The following PHACTR3 variants were observed in gnomAD, a reference collection of about 807,000 sequenced individuals.
PHACTR3 encodes protein phosphatase 1, regulatory subunit 123.
PHACTR3 carries 16 observed loss-of-function variants against 66.8 expected under a neutral mutation model. The ratio of observed to expected loss-of-function variants is 0.24; its 90% CI spans 0.16 to 0.36. The LOEUF (loss-of-function observed/expected upper bound fraction) is 0.36. Among genes scored for constraint, PHACTR3 ranks in the 10% least tolerant of loss-of-function variants. The pLI is 1.00. For synonymous variants in PHACTR3, 323 were observed against 292.1 expected, an observed-to-expected ratio of 1.11 and a Z score of -1.08; for missense variants, 647 against 719.9, an observed-to-expected ratio of 0.90 and a Z score of 1.16.
At chr20:59,710,397 G>A (rs1483038352) in intron 1 of PHACTR3, among the ~76,000 whole-genome samples, 2 of 152,174 alleles carry the variant, frequency 1.3e-5, no homozygotes, top group Non-Finnish European at 2.9e-5. Flanking sequence ...CCTGGTTTTT[G>A]AAGCTTGTTT....
At chr20:59,686,721 GGTT>G (rs555930433) in intron 1 of PHACTR3, among the ~76,000 whole-genome samples, 6,423 of 144,720 alleles carry the variant, frequency 0.044, 287 homozygotes, top group African/African-American at 0.099. Flanking sequence ...TGATGGTGGT[GGTT>G]ATGATGATGG....
intron 1 of PHACTR3, among the ~76,000 whole-genome samples, chr20:59,633,449 A>G (rs1216787864): frequency 6.6e-6 from 1 of 152,150 alleles, no homozygotes; most frequent in Non-Finnish European, 1.5e-5. Flanking sequence ...GGAGTTGAAC[A>G]TTGAGAACAC....
intron 4 of PHACTR3, among the ~76,000 whole-genome samples, chr20:59,755,675 A>G (rs576829067): frequency 1.3e-5 from 2 of 152,264 alleles, no homozygotes; most frequent in East Asian, 3.9e-4. Context: ...ACTTCTAGGC[A>G]GGAAAGTGCT....
Position 59,714,004 on chromosome 20 carries a change from G to A in PHACTR3, c.119-29103G>A, listed in dbSNP as rs182839099. Among the ~76,000 whole-genome samples the A allele has an allele frequency of 1.1e-3, 160 of 152,236 alleles. 1 individual carries two copies. Among genetic ancestry groups the A allele is most frequent in the African/African-American group, 3.5e-3 (145 of 41,534 alleles). ...GTTTAATTGGTATTTCCTTGAAAAC[G>A]AATGAGGTTGAGCTCCTTTTTATTT... On this transcript the variant is annotated intron_variant, in intron 1 of 12. Transcript: ENST00000371015.
intron 6 of PHACTR3, among the ~76,000 whole-genome samples, chr20:59,773,768 G>A (rs1406095631): frequency 6.6e-6 from 1 of 152,222 alleles, no homozygotes. Flanking sequence ...TTAGAGAAAA[G>A]TGGCCGTTCC....
intron 1 of PHACTR3, among the ~76,000 whole-genome samples, chr20:59,662,616 GGAA>G (rs2035849980): frequency 6.6e-6 from 1 of 152,164 alleles, no homozygotes; most frequent in Non-Finnish European, 1.5e-5. Context: ...AAAACGAAAG[GGAA>G]GAAGTTGGAG....
At chr20:59,702,770 C>T (rs1463815934) in intron 1 of PHACTR3, among the ~76,000 whole-genome samples, 2 of 152,214 alleles carry the variant, frequency 1.3e-5, no homozygotes, top group Non-Finnish European at 2.9e-5. Context: ...TTTCCATCTA[C>T]ACATATTGTA....
rs189699385 is a variant in PHACTR3 at position 59,682,432 on chromosome 20, T to C, written c.119-60675T>C. Among the ~76,000 whole-genome samples the C allele has an allele frequency of 3.9e-5, 6 of 152,340 alleles. No individual in the cohort carries two copies. In the East Asian group the frequency reaches 1.2e-3, roughly 29 times the overall value. The stretch of plus-strand genomic sequence containing the variant: ...CGGGGTCCCTAGAGTGTGTGCAAAC[T>C]GTTCCAGTCACTGGGACATCAGTGT... On this transcript the variant is annotated intron_variant, in intron 1 of 12. Coordinates refer to ENST00000371015, the MANE Select transcript of PHACTR3 (RefSeq NM_080672.5).
rs201487449 is a variant in PHACTR3 at position 59,743,084 on chromosome 20, C to A, written c.119-23C>A. The A allele has an allele frequency of 7.5e-6, 12 of 1,605,796 alleles. No homozygotes were observed. The African/African-American group carries it at 1.5e-4, about 20-fold the overall frequency. The stretch of plus-strand genomic sequence containing the variant: ...CATAGGTTTGGTGGCCACTTGAGGA[C>A]CCCCTTGGTTTTCGTCTTCCAGATG... On this transcript the variant is annotated intron_variant, in intron 1 of 12. Coordinates refer to ENST00000371015, the MANE Select transcript of PHACTR3 (RefSeq NM_080672.5).
rs954267518 is a variant in PHACTR3, at chr20:59,750,664, C to T, written c.358+2829C>T. 6.6e-5 allele frequency among the ~76,000 whole-genome samples: 10 copies of T among 151,356 alleles called. No homozygotes were observed. The South Asian group carries it at 8.3e-4, about 13-fold the overall frequency. Reference sequence around the variant, plus strand: ...ACCACGCTGCTGCGGGAGCCTGGGGCGGCCACAGTGCGAGTGGGTGGGATC... The same window carrying T: ...ACCACGCTGCTGCGGGAGCCTGGGGTGGCCACAGTGCGAGTGGGTGGGATC... On this transcript the variant is annotated intron_variant, in intron 3 of 12. Transcript: ENST00000371015.
intron 1 of PHACTR3, among the ~76,000 whole-genome samples, chr20:59,584,495 T>C (rs1359443918): frequency 1.3e-5 from 2 of 152,080 alleles, no homozygotes. Flanking sequence ...TGAGCAAGTG[T>C]GTGCATGAAT....
intron 1 of PHACTR3, among the ~76,000 whole-genome samples, chr20:59,735,375 A>T (rs1020600049): frequency 5.9e-5 from 9 of 152,118 alleles, no homozygotes; most frequent in African/African-American, 2.2e-4. Context: ...CAAGGAAAAA[A>T]TTATTTTGCA....
At chr20:59,775,861 G>A (rs748817414) in intron 7 of PHACTR3, among the ~76,000 whole-genome samples, 13 of 152,212 alleles carry the variant, frequency 8.5e-5, no homozygotes, top group Non-Finnish European at 1.2e-4. Flanking sequence ...CAGCCTCAGC[G>A]CTGGTGGCAA....
chr20:59,805,446 T>C (rs114550598), intron 7 of PHACTR3, among the ~76,000 whole-genome samples: 1,910 of 152,146 alleles, frequency 0.013, 39 homozygotes, highest in African/African-American at 0.044. Context: ...TATCAGTTGG[T>C]TGGGGGGAAT....
At chr20:59,725,008 A>G (rs2038506807) in intron 1 of PHACTR3, among the ~76,000 whole-genome samples, 1 of 147,248 alleles carries the variant, frequency 6.8e-6, no homozygotes, top group Admixed American at 6.7e-5. Context: ...GAGCTCAGGT[A>G]TGTTGAGAGG....
chr20:59,794,776 G>A (rs533184681), intron 7 of PHACTR3, among the ~76,000 whole-genome samples: 34 of 152,178 alleles, frequency 2.2e-4, no homozygotes, highest in Middle Eastern at 3.4e-3. Context: ...TAGGCTGTAC[G>A]TGTCCAGGAA....
At chr20:59,622,917 C>CCCAT (rs2034296108) in intron 1 of PHACTR3, among the ~76,000 whole-genome samples, 1 of 138,002 alleles carries the variant, frequency 7.2e-6, no homozygotes, top group Non-Finnish European at 1.5e-5. Flanking sequence ...AATATGTAAT[C>CCCAT]CCATTGTGAA....
chr20:59,771,952 C>T (rs775599747), intron 5 of PHACTR3, among the ~76,000 whole-genome samples: 2 of 152,218 alleles, frequency 1.3e-5, no homozygotes, highest in Non-Finnish European at 2.9e-5. Context: ...CTGGTGTTTG[C>T]ACCAGTCCTG....
chr20:59,837,511 G>A (rs1306130757), intron 9 of PHACTR3, among the ~76,000 whole-genome samples: 4 of 152,072 alleles, frequency 2.6e-5, no homozygotes, highest in Non-Finnish European at 5.9e-5. Flanking sequence ...CTCCTTTATA[G>A]ATTGTTGAAA....
Sources: allele counts gnomAD v4.1 joint callset (sites outside exome capture counted in the v4.1 genomes callset), GRCh38; gene constraint gnomAD v4.1.1; transcripts MANE v1.5; gene names NCBI Gene and HGNC (gene_info 2026-07-23, HGNC 2026-07-21).